Variants in FAF1 observed in about 807,000 individuals in gnomAD.
The protein encoded by FAF1 is FAS-associated factor 1.
Under a neutral mutation model 92.5 loss-of-function variants are expected in FAF1, and 25 were observed. The ratio of observed to expected loss-of-function variants is 0.27; its 90% CI spans 0.20 to 0.38. FAF1 has a LOEUF of 0.38. Among genes scored for constraint, FAF1 ranks in the 10% least tolerant of loss-of-function variants. FAF1 has a pLI of 1.00. For missense variants in FAF1, 636 were observed against 793.3 expected (o/e 0.80, Z 2.38); for synonymous variants, 234 against 273.2 (o/e 0.86, Z 1.42).
At chr1:50,443,871 T>C (rs983309658) in intron 18 of FAF1, among the ~76,000 whole-genome samples, 1 of 152,104 alleles carries the variant, frequency 6.6e-6, no homozygotes, top group Non-Finnish European at 1.5e-5. Context: ...TACCAGGCTA[T>C]CTTTCTTGTT....
At chr1:50,475,943 C>T (rs1236720045) in intron 17 of FAF1, among the ~76,000 whole-genome samples, 2 of 152,092 alleles carry the variant, frequency 1.3e-5, no homozygotes, top group African/African-American at 4.8e-5. Flanking sequence ...ACAGAAAAGG[C>T]ATTTTTTTAA....
At chr1:50,817,094 A>G (rs1262548872) in intron 2 of FAF1, among the ~76,000 whole-genome samples, 1 of 152,148 alleles carries the variant, frequency 6.6e-6, no homozygotes, top group Non-Finnish European at 1.5e-5. Flanking sequence ...GTCTTACAGT[A>G]TATTTTGAAG....
chr1:50,639,325 G>T (rs1654210118), intron 8 of FAF1, among the ~76,000 whole-genome samples: 1 of 152,154 alleles, frequency 6.6e-6, no homozygotes, highest in Non-Finnish European at 1.5e-5. Context: ...AGTTGAGATT[G>T]TATGTTAAGT....
intron 8 of FAF1, among the ~76,000 whole-genome samples, chr1:50,631,720 A>C (rs1321457148): frequency 6.6e-6 from 1 of 152,246 alleles, no homozygotes; most frequent in Non-Finnish European, 1.5e-5. Context: ...TGCACCCCAA[A>C]GTGCAAAAGT....
At chr1:50,444,957 G>A (rs17106187) in intron 18 of FAF1, among the ~76,000 whole-genome samples, 2,144 of 152,266 alleles carry the variant, frequency 0.014, 47 homozygotes, top group African/African-American at 0.048. Flanking sequence ...GTTCCCAGAA[G>A]CACTCAAATA....
chr1:50,590,437 C>G (rs983418093), intron 9 of FAF1, among the ~76,000 whole-genome samples: 12 of 152,058 alleles, frequency 7.9e-5, no homozygotes, highest in African/African-American at 2.9e-4. Flanking sequence ...ATTTTCTGTT[C>G]AGCTTGTTGA....
chr1:50,491,660 G>C, intron 16 of FAF1, 61 bp downstream of exon 16: 2 of 1,187,938 alleles, frequency 1.7e-6, no homozygotes, highest in Non-Finnish European at 2.5e-6. Context: ...AGTGATAAAG[G>C]TTGGCATTTA....
At chr1:50,731,169 G>T (rs1279984540) in intron 6 of FAF1, among the ~76,000 whole-genome samples, 1 of 152,082 alleles carries the variant, frequency 6.6e-6, no homozygotes, top group East Asian at 1.9e-4. Context: ...CCTGTGTGAG[G>T]GACCCTCTGG....
chr1:50,713,738 CAACCGT>C (rs1658048805), intron 6 of FAF1, among the ~76,000 whole-genome samples: 1 of 149,574 alleles, frequency 6.7e-6, no homozygotes, highest in Non-Finnish European at 1.5e-5. Context: ...GTTGAGATTA[CAACCGT>C]AAGTCACTGC....
rs186258896 is a variant in FAF1, at chr1:50,721,943, A to G, written c.552-16052T>C. ...CTGGCCAGGTCTCCTTTTCTGCTGC[A>G]CTGCTAAAACCTCACAAATACTGAT... On this transcript the variant is annotated intron_variant, in intron 6 of 18. Transcript: ENST00000396153. Among the ~76,000 whole-genome samples the G allele has an allele frequency of 7.2e-5, 11 of 152,286 alleles. No individual in the cohort carries two copies. The East Asian group carries it at 2.1e-3, about 29-fold the overall frequency.
chr1:50,474,600 G>T (rs963683590), intron 18 of FAF1, among the ~76,000 whole-genome samples: 2 of 152,078 alleles, frequency 1.3e-5, no homozygotes, highest in African/African-American at 4.8e-5. Context: ...ACAGGAGCTA[G>T]CTTTTTTGTT....
chr1:50,491,379 C>T (rs1646837295), intron 16 of FAF1, among the ~76,000 whole-genome samples: 1 of 152,162 alleles, frequency 6.6e-6, no homozygotes, highest in African/African-American at 2.4e-5. Flanking sequence ...GAAGCAGGTG[C>T]TTAAGTAGTA....
Position 50,583,607 on chromosome 1 carries a change from G to T in FAF1, c.1031+45C>A. On this transcript the variant is annotated intron_variant, in intron 11 of 18. Transcript: ENST00000396153. This position sits in a 1 kb window ranked among gnomAD's most constrained non-coding sequence, Gnocchi z 4.2. ...AAATTGCCCAAGAAAAATCACAGTA[G>T]CATAAAACAGCATCAAATTTATATA... 3 of 1,189,344 alleles carry T rather than the reference G, an allele frequency of 2.5e-6. No homozygotes were observed. In the East Asian group the frequency reaches 7.3e-5, roughly 29 times the overall value. 73.7% of individuals were successfully genotyped at this position (1,189,344 alleles called of 1,614,324 possible).
intron 6 of FAF1, among the ~76,000 whole-genome samples, chr1:50,727,540 C>A (rs1314728029): frequency 6.6e-6 from 1 of 152,138 alleles, no homozygotes; most frequent in African/African-American, 2.4e-5. Context: ...CAGTGAACAA[C>A]AAAAAATCCC....
At chr1:50,556,784 T>A (rs1384731080) in intron 13 of FAF1, among the ~76,000 whole-genome samples, 2 of 151,700 alleles carry the variant, frequency 1.3e-5, no homozygotes, top group African/African-American at 4.8e-5. Flanking sequence ...CTGCAGTAAG[T>A]TGAAACTGTG....
intron 7 of FAF1, among the ~76,000 whole-genome samples, chr1:50,680,083 A>AT (rs1490854405): frequency 6.6e-6 from 1 of 152,228 alleles, no homozygotes; most frequent in Non-Finnish European, 1.5e-5. Flanking sequence ...ATAATTCAGA[A>AT]TTAGGAAATC....
chr1:50,699,543 A>G (rs1657378515), intron 7 of FAF1, among the ~76,000 whole-genome samples: 1 of 152,140 alleles, frequency 6.6e-6, no homozygotes, highest in Non-Finnish European at 1.5e-5. Flanking sequence ...GCTCAAATAA[A>G]TGGTTCTCTT....
At chr1:50,804,437 A>C (rs1273630485) in intron 2 of FAF1, among the ~76,000 whole-genome samples, 2 of 152,170 alleles carry the variant, frequency 1.3e-5, no homozygotes, top group Non-Finnish European at 2.9e-5. Flanking sequence ...AAAAATAAAA[A>C]TGTAAAGGAC....
At chr1:50,677,702 C>T (rs1656186318) in intron 7 of FAF1, among the ~76,000 whole-genome samples, 1 of 152,012 alleles carries the variant, frequency 6.6e-6, no homozygotes, top group Admixed American at 6.6e-5. Context: ...CGAGACTAGC[C>T]TGACCAACAT....
Sources: allele counts gnomAD v4.1 joint callset (sites outside exome capture counted in the v4.1 genomes callset), GRCh38; gene constraint gnomAD v4.1.1; non-coding constraint Gnocchi (gnomAD v3.1); transcripts MANE v1.5; gene names NCBI Gene and HGNC (gene_info 2026-07-23, HGNC 2026-07-21).